Variants in MTUS2 observed in about 807,000 individuals in gnomAD.
MTUS2 encodes the protein microtubule-associated tumor suppressor candidate 2.
In MTUS2, 40 loss-of-function variants were observed where a neutral mutation model predicts 114.1. That is an observed-to-expected ratio of 0.35 (90% CI 0.27 to 0.46). The LOEUF is 0.46. Among genes scored for constraint, MTUS2 ranks in the 20% least tolerant of loss-of-function variants. The probability of loss-of-function intolerance (pLI) is 1.00; values close to 1 mark genes in which losing one functional copy is unlikely to be tolerated. For synonymous variants in MTUS2, 688 were observed against 672.0 expected, an observed-to-expected ratio of 1.02 and a Z score of -0.37; for missense variants, 1,679 against 1,705.4, an observed-to-expected ratio of 0.98 and a Z score of 0.27.
At chr13:28,836,239 C>A (rs1166348908) in intron 1 of MTUS2, among the ~76,000 whole-genome samples, 2 of 152,060 alleles carry the variant, frequency 1.3e-5, no homozygotes, top group African/African-American at 2.4e-5. Flanking sequence ...TAAAGTATTT[C>A]ATACTTACAG....
intron 6 of MTUS2, among the ~76,000 whole-genome samples, chr13:29,322,373 G>T (rs529753572): frequency 6.6e-6 from 1 of 152,148 alleles, no homozygotes; most frequent in African/African-American, 2.4e-5. Flanking sequence ...AGGGGTACCC[G>T]TGACTTCAGC....
intron 5 of MTUS2, among the ~76,000 whole-genome samples, chr13:29,162,402 G>A (rs1395601591): frequency 6.7e-6 from 1 of 150,234 alleles, no homozygotes; most frequent in Non-Finnish European, 1.5e-5. Flanking sequence ...CTTTTTTTTT[G>A]GTCCTGATCA....
At chr13:28,834,292 G>C (rs532901869) in intron 1 of MTUS2, among the ~76,000 whole-genome samples, 1 of 152,094 alleles carries the variant, frequency 6.6e-6, no homozygotes, top group East Asian at 1.9e-4. Flanking sequence ...CAAAACTACC[G>C]TAATAAAGAC....
chr13:28,825,712 G>C lies in MTUS2; in HGVS notation c.-316+5101G>C, dbSNP rs144620719. On this transcript the variant is annotated intron_variant, in intron 1 of 15. Transcript: ENST00000612955. ...CCTTTCTATACTCATGGGGACAGGG[G>C]TATGGAACCAGGATGGGATAGCTGT... 9.2e-5 allele frequency among the ~76,000 whole-genome samples: 14 copies of C among 152,330 alleles called. No individual in the cohort carries two copies. The East Asian group carries it at 2.5e-3, about 27-fold the overall frequency.
intron 2 of MTUS2, among the ~76,000 whole-genome samples, chr13:28,977,529 G>A (rs945677549): frequency 1.3e-5 from 2 of 152,042 alleles, no homozygotes; most frequent in Non-Finnish European, 2.9e-5. Context: ...GAGGTAATTG[G>A]TTTTCTTATG....
chr13:28,997,305 T>C (rs1885158106), intron 2 of MTUS2, among the ~76,000 whole-genome samples: 1 of 151,894 alleles, frequency 6.6e-6, no homozygotes, highest in African/African-American at 2.4e-5. Context: ...GAGGAGTGCT[T>C]TACTTCCAAC....
chr13:29,121,530 T>C (rs1226850400), intron 5 of MTUS2, among the ~76,000 whole-genome samples: 1 of 152,088 alleles, frequency 6.6e-6, no homozygotes, highest in African/African-American at 2.4e-5. Context: ...AAAAGATATA[T>C]AATAATGAAA....
At chr13:29,083,826 T>G (rs2479788) in intron 4 of MTUS2, among the ~76,000 whole-genome samples, 2 of 152,168 alleles carry the variant, frequency 1.3e-5, no homozygotes, top group Non-Finnish European at 2.9e-5. Context: ...ATATGTCAAA[T>G]TCTTAATTAT....
At chr13:28,853,047 GA>G (rs1266875238) in intron 2 of MTUS2, among the ~76,000 whole-genome samples, 1 of 123,136 alleles carries the variant, frequency 8.1e-6, no homozygotes. Context: ...CTGATGATCT[GA>G]AAAAGGTCTG....
intron 6 of MTUS2, among the ~76,000 whole-genome samples, chr13:29,295,560 A>G (rs1593272063): frequency 6.6e-6 from 1 of 152,202 alleles, no homozygotes; most frequent in East Asian, 1.9e-4. Context: ...CTTATAAAAT[A>G]ATGTCCTACA....
chr13:29,368,889 C>T (rs1195964868), intron 8 of MTUS2, among the ~76,000 whole-genome samples: 1 of 152,140 alleles, frequency 6.6e-6, no homozygotes, highest in Non-Finnish European at 1.5e-5. Context: ...GGAAGCTGAC[C>T]TGGGACAGCA....
At chr13:28,883,650 AGG>A (rs778045526) in intron 2 of MTUS2, among the ~76,000 whole-genome samples, 49 of 152,182 alleles carry the variant, frequency 3.2e-4, no homozygotes, top group Non-Finnish European at 5.9e-4. Context: ...GGAATGGGGG[AGG>A]GTCTGGCTAT....
rs1377933318 is a variant in MTUS2, at chr13:29,380,776, C to A, written c.3117+21303C>A. On this transcript the variant is annotated intron_variant, in intron 8 of 15. Coordinates refer to ENST00000612955, the MANE Select transcript of MTUS2 (RefSeq NM_001033602.4). The stretch of plus-strand genomic sequence containing the variant: ...CTAAAAATACAAAAAATTAGCCGGG[C>A]GCGGTGGCGGGCACCTGTAGTCCCA... Among the ~76,000 whole-genome samples the A allele has an allele frequency of 3.2e-5, 2 of 62,098 alleles. 1 individual carries two copies. Among genetic ancestry groups the A allele is most frequent in the African/African-American group, 7.0e-5 (2 of 28,572 alleles). 40.7% of individuals were successfully genotyped at this position (62,098 alleles called of 152,430 possible).
intron 4 of MTUS2, among the ~76,000 whole-genome samples, chr13:29,065,195 A>G (rs1267287918): frequency 6.6e-6 from 1 of 152,162 alleles, no homozygotes; most frequent in African/African-American, 2.4e-5. Flanking sequence ...TCTTTGAGGA[A>G]TTGCCACACT....
intron 5 of MTUS2, among the ~76,000 whole-genome samples, chr13:29,135,980 T>G (rs1475377445): frequency 6.6e-6 from 1 of 152,226 alleles, no homozygotes; most frequent in East Asian, 1.9e-4. Context: ...GCTTTTAGAC[T>G]AATAATTGCT....
intron 2 of MTUS2, among the ~76,000 whole-genome samples, chr13:28,891,539 A>G (rs888236875): frequency 4.6e-5 from 7 of 152,194 alleles, no homozygotes; most frequent in Admixed American, 1.3e-4. Context: ...TAAGGGAACA[A>G]AAAGATAATA....
At chr13:29,176,920 G>A (rs934290950) in intron 5 of MTUS2, among the ~76,000 whole-genome samples, 11 of 151,014 alleles carry the variant, frequency 7.3e-5, no homozygotes, top group African/African-American at 2.0e-4. Context: ...TGGAGTCCCC[G>A]GCAGGCATGG....
At chr13:29,124,273 A>G (rs1365828973) in intron 5 of MTUS2, among the ~76,000 whole-genome samples, 2 of 152,210 alleles carry the variant, frequency 1.3e-5, no homozygotes, top group African/African-American at 4.8e-5. Flanking sequence ...TGATATTCTA[A>G]TTTAATGTAA....
chr13:29,227,661 T>C (rs1896164475), intron 5 of MTUS2, among the ~76,000 whole-genome samples: 1 of 152,176 alleles, frequency 6.6e-6, no homozygotes, highest in Non-Finnish European at 1.5e-5. Context: ...GCAGGAATGC[T>C]ATCTCTCTAA....
Sources: allele counts gnomAD v4.1 joint callset (sites outside exome capture counted in the v4.1 genomes callset), GRCh38; gene constraint gnomAD v4.1.1; transcripts MANE v1.5; gene names NCBI Gene and HGNC (gene_info 2026-07-23, HGNC 2026-07-21).